The following MEGF6 variants were observed in gnomAD, a reference collection of about 807,000 sequenced individuals.
The protein encoded by MEGF6 is multiple epidermal growth factor-like domains protein 6.
A neutral mutation model predicts 207.1 loss-of-function variants in MEGF6; 184 were observed. That is an observed-to-expected ratio of 0.89 (90% confidence interval 0.79 to 1.00). MEGF6 has a LOEUF of 1.00. MEGF6 is among the 50% of genes least tolerant of loss of function. MEGF6 has a pLI of 0.00. For synonymous variants in MEGF6, 1,038 were observed against 910.0 expected (o/e 1.14, Z -2.53); for missense variants, 2,282 against 2,202.9 (o/e 1.04, Z -0.72).
rs375204056 is a variant in MEGF6, at chr1:3,503,038, C to T, written c.2189-1117G>A. On this transcript the variant is annotated intron_variant, in intron 17 of 36. Transcript: ENST00000356575. ...GCATGCCAAAGATCCACAGAGCCCA[C>T]GTGTCAGAAGGCCCACAGCGGGGCT... is the stretch of plus-strand genomic sequence containing the variant. Among the ~76,000 whole-genome samples, 7 of 152,326 alleles carry T rather than the reference C, an allele frequency of 4.6e-5. No individual in the cohort carries two copies. In the South Asian group the frequency reaches 1.0e-3, roughly 23 times the overall value.
Position 3,509,951 on chromosome 1 carries a change from G to T in MEGF6, c.1276C>A (p.His426Asn). 1 of 1,581,264 alleles carries T rather than the reference G, an allele frequency of 6.3e-7. No homozygotes were observed. The highest frequency in any genetic ancestry group is 8.6e-7 in the Non-Finnish European group (1 of 1,168,216). ...AAGGAGCCGGCCAGGTTGGTGCAGT[G>T]GTGCTCGCAGCCGCCACGGCTGGAG... The part of the protein sequence containing the change: ...CASSRGGCEH[H>N]CTNLAGSFQC... The change falls in exon 11 of 37, where the codon CAC becomes AAC. Residue 426 changes from histidine to asparagine, a missense_variant. Transcript: ENST00000356575.
At chr1:3,578,641 G>A (rs1212988956) in intron 4 of MEGF6, among the ~76,000 whole-genome samples, 2 of 152,150 alleles carry the variant, frequency 1.3e-5, no homozygotes, top group African/African-American at 2.4e-5. Context: ...GCAGGCACTC[G>A]CGGTGACTCG....
chr1:3,532,830 C>T (rs113861723), intron 4 of MEGF6, among the ~76,000 whole-genome samples: 47 of 152,324 alleles, frequency 3.1e-4, no homozygotes, highest in African/African-American at 9.9e-4. Context: ...ACCTCAGCTG[C>T]GGCCGCTGTG....
Position 3,490,554 on chromosome 1 carries a change from G to A in MEGF6, c.4600C>T (p.Arg1534Trp), listed in dbSNP as rs768439034. The change falls in exon 37 of 37, where the codon CGG becomes TGG. Residue 1534 changes from arginine to tryptophan, a missense_variant. By Grantham distance (101) the Arg-to-Trp change is moderately radical. Coordinates refer to ENST00000356575, the MANE Select transcript of MEGF6 (RefSeq NM_001409.4). Reference protein sequence around the residue: ...TLPASSRPTSRSGGPARH With the variant: ...TLPASSRPTSWSGGPARH ...TAGTGCCTCGCTGGTCCACCGCTCC[G>A]GGATGTGGGTCTGCTGGAGGCGGGC... 4.5e-5 allele frequency: 73 copies of A among 1,613,262 alleles called. No homozygotes were observed. The highest frequency in any genetic ancestry group is 2.5e-4 in the Admixed American group (15 of 59,980).
chr1:3,579,043 GC>G (rs1437742155), intron 4 of MEGF6, among the ~76,000 whole-genome samples: 1 of 152,248 alleles, frequency 6.6e-6, no homozygotes. Flanking sequence ...CTGGCATGGA[GC>G]CCCGGTGGCC....
At position 3,498,736 on chromosome 1, in the gene MEGF6, G is replaced by A. The variant is rs201321435; in HGVS notation, c.3185C>T (p.Ala1062Val). The change falls in exon 25 of 37, where the codon GCG (alanine) becomes GTG (valine). Residue 1062 changes from alanine (A) to valine (V), a missense_variant. Coordinates refer to ENST00000356575, the MANE Select transcript of MEGF6 (RefSeq NM_001409.4). Reference protein sequence around the residue: ...GTCDPVSGHCACPEGWAGLAC... With the variant: ...GTCDPVSGHCVCPEGWAGLAC... ...CAGGCCGGCCCAGCCCTCTGGGCAC[G>A]CACAGTGGCCTGAGACAGGGTCACA... The A allele has an allele frequency of 2.4e-5, 37 of 1,566,260 alleles. No homozygotes were observed. Among genetic ancestry groups the A allele is most frequent in the Non-Finnish European group, 2.8e-5 (32 of 1,157,644 alleles).
chr1:3,505,168 A>T, intron 17 of MEGF6, 40 bp downstream of exon 17: 1 of 1,602,930 alleles, frequency 6.2e-7, no homozygotes, highest in Non-Finnish European at 8.5e-7. Flanking sequence ...CCTACACCCC[A>T]CAATGAGACT....
chr1:3,548,854 C>T (rs1000230209), intron 4 of MEGF6, among the ~76,000 whole-genome samples: 3 of 152,202 alleles, frequency 2.0e-5, no homozygotes. Context: ...GAGCCCACTG[C>T]AGCTGGGGGC....
intron 1 of MEGF6, among the ~76,000 whole-genome samples, chr1:3,605,164 A>T (rs905499201): frequency 8.6e-5 from 13 of 151,220 alleles, no homozygotes; most frequent in African/African-American, 3.2e-4. Context: ...ACAGTCACAT[A>T]CACCCTTACT....
At chr1:3,601,364 G>T (rs539979142) in intron 2 of MEGF6, among the ~76,000 whole-genome samples, 1 of 152,254 alleles carries the variant, frequency 6.6e-6, no homozygotes, top group Non-Finnish European at 1.5e-5. Context: ...GGGCAGGCCC[G>T]CATCCACGCA....
chr1:3,501,557 A>G (rs1640867877), intron 18 of MEGF6, among the ~76,000 whole-genome samples: 1 of 152,046 alleles, frequency 6.6e-6, no homozygotes, highest in Non-Finnish European at 1.5e-5. Context: ...CGAGCCCGTT[A>G]GAGATGGAGC....
chr1:3,602,341 G>A, intron 2 of MEGF6, 125 bp downstream of exon 2: 1 of 1,399,242 alleles, frequency 7.1e-7, no homozygotes, highest in Non-Finnish European at 9.7e-7. Flanking sequence ...AGGGCTTCAG[G>A]CAGGGGTTGC....
intron 3 of MEGF6, among the ~76,000 whole-genome samples, chr1:3,590,328 G>A (rs1258288120): frequency 2.0e-5 from 3 of 152,194 alleles, no homozygotes; most frequent in Non-Finnish European, 4.4e-5. Flanking sequence ...CATGGGCAGG[G>A]TCTGGGAAAA....
chr1:3,555,121 G>A lies in MEGF6; in HGVS notation c.481+24704C>T, dbSNP rs561965424. Among the ~76,000 whole-genome samples, 5 of 152,300 alleles carry A rather than the reference G, an allele frequency of 3.3e-5. No individual in the cohort carries two copies. In the East Asian group the frequency reaches 9.7e-4, roughly 29 times the overall value. On this transcript the variant is annotated intron_variant, in intron 4 of 36. Transcript: ENST00000356575. ...CCCACCAGGCCAACACCCCACGCAC[G>A]GGGCCTGCTGGCCGGAGAGAAGCAC...
chr1:3,604,748 C>G (rs1438771912), intron 1 of MEGF6, among the ~76,000 whole-genome samples: 1 of 152,156 alleles, frequency 6.6e-6, no homozygotes, highest in Non-Finnish European at 1.5e-5. Flanking sequence ...TGACTAAGGG[C>G]CAGGTCTCTC....
intron 4 of MEGF6, among the ~76,000 whole-genome samples, chr1:3,550,246 T>C (rs1446110213): frequency 6.6e-6 from 1 of 152,100 alleles, no homozygotes; most frequent in Non-Finnish European, 1.5e-5. Context: ...AGCAGACTTG[T>C]CCACAGCCAT....
chr1:3,505,404 C>A lies in MEGF6; in HGVS notation c.2053+18G>T, dbSNP rs1384487240. 7 of 1,607,400 alleles carry A rather than the reference C, an allele frequency of 4.4e-6. No individual in the cohort carries two copies. The highest frequency in any genetic ancestry group is 1.3e-5 in the African/African-American group (1 of 74,422). On this transcript the variant is annotated intron_variant, in intron 16 of 36. Transcript: ENST00000356575. ...GACCCTGGCGCCCCCCGCCCCCAGA[C>A]CCCATGCCTGGACTCACCTGCCTGA...
chr1:3,564,229 G>C lies in MEGF6; in HGVS notation c.481+15596C>G, dbSNP rs186808381. Among the ~76,000 whole-genome samples, 9 of 151,764 alleles carry C rather than the reference G, an allele frequency of 5.9e-5. No individual in the cohort carries two copies. In the East Asian group the frequency reaches 1.2e-3, roughly 20 times the overall value. On this transcript the variant is annotated intron_variant, in intron 4 of 36. Transcript: ENST00000356575. ...GGGTGCAGAAGGGCTGAGTCGGGGT[G>C]GGGGAGCTGAGTCAGGGGTGCAGGT...
At chr1:3,611,563 G>A (rs1221687994), upstream of MEGF6, 1 of 256,214 alleles carries the variant, frequency 3.9e-6, no homozygotes, top group African/African-American at 2.9e-5. Flanking sequence ...CCCCAGCCCG[G>A]ACCCCAGTCC....
Sources: allele counts gnomAD v4.1 joint callset (sites outside exome capture counted in the v4.1 genomes callset), GRCh38; gene constraint gnomAD v4.1.1; transcripts MANE v1.5; gene names NCBI Gene and HGNC (gene_info 2026-07-23, HGNC 2026-07-21).